KALRN: variants seen among roughly 807,000 people sequenced by gnomAD.
The protein encoded by KALRN is kalirin.
A neutral mutation model predicts 353.7 loss-of-function variants in KALRN; 70 were observed. The ratio of observed to expected loss-of-function variants is 0.20; its 90% CI spans 0.16 to 0.24. The LOEUF is 0.24. KALRN is among the 10% of genes least tolerant of loss of function. The pLI is 1.00. For synonymous variants in KALRN, 1,391 were observed against 1,434.8 expected (o/e 0.97, Z 0.69); for missense variants, 2,791 against 3,756.7 (o/e 0.74, Z 6.72).
chr3:124,067,525 A>G (rs1368314414), intron 1 of KALRN, among the ~76,000 whole-genome samples: 2 of 152,212 alleles, frequency 1.3e-5, no homozygotes, highest in African/African-American at 4.8e-5. Context: ...CAACAAACAA[A>G]AAAAAACCAC....
intron 34 of KALRN, among the ~76,000 whole-genome samples, chr3:124,623,717 G>C (rs1020873758): frequency 6.6e-6 from 1 of 152,126 alleles, no homozygotes; most frequent in African/African-American, 2.4e-5. Flanking sequence ...TGACTCAAAT[G>C]TTAACACCCT....
intron 1 of KALRN, among the ~76,000 whole-genome samples, chr3:124,221,734 A>G (rs2077930384): frequency 6.6e-6 from 1 of 152,188 alleles, no homozygotes; most frequent in Non-Finnish European, 1.5e-5. Flanking sequence ...TATAGTGGAT[A>G]CAGGATGGTC....
At chr3:124,234,237 G>T (rs2079497494) in intron 2 of KALRN, among the ~76,000 whole-genome samples, 1 of 152,146 alleles carries the variant, frequency 6.6e-6, no homozygotes, top group Admixed American at 6.5e-5. Context: ...AGTGACAGGT[G>T]GCACCTCAGG....
chr3:124,392,378 C>T (rs981787584), intron 11 of KALRN, among the ~76,000 whole-genome samples: 1 of 152,156 alleles, frequency 6.6e-6, no homozygotes, highest in African/African-American at 2.4e-5. Context: ...TGTGTATACA[C>T]ACATATATCA....
intron 10 of KALRN, among the ~76,000 whole-genome samples, chr3:124,375,968 T>C (rs1439977492): frequency 2.0e-5 from 3 of 152,144 alleles, no homozygotes; most frequent in Non-Finnish European, 2.9e-5. Context: ...GGTTGGACTG[T>C]AGGAAAATAA....
intron 54 of KALRN, 91 bp from the exon 55 acceptor site, chr3:124,697,502 G>A: frequency 7.7e-7 from 1 of 1,306,890 alleles, no homozygotes; most frequent in East Asian, 2.6e-5. Context: ...TGTGACATCG[G>A]TTAGGTAATG....
intron 33 of KALRN, among the ~76,000 whole-genome samples, chr3:124,502,172 G>T (rs751562495): frequency 5.3e-5 from 8 of 152,196 alleles, no homozygotes; most frequent in Non-Finnish European, 8.8e-5. Flanking sequence ...ACAACTCAAA[G>T]GTCAAAGGAG....
intron 1 of KALRN, among the ~76,000 whole-genome samples, chr3:124,143,088 T>C (rs964097457): frequency 1.3e-5 from 2 of 152,176 alleles, no homozygotes; most frequent in Non-Finnish European, 1.5e-5. Context: ...GGATGATTAA[T>C]GAATGAATCA....
At chr3:124,467,701 G>A (rs1210429526) in intron 25 of KALRN, among the ~76,000 whole-genome samples, 1 of 152,202 alleles carries the variant, frequency 6.6e-6, no homozygotes, top group East Asian at 1.9e-4. Context: ...CGCACTCCCA[G>A]GTAGGCTGGG....
chr3:124,297,007 C>T (rs1414523224), intron 5 of KALRN, among the ~76,000 whole-genome samples: 1 of 152,186 alleles, frequency 6.6e-6, no homozygotes, highest in Non-Finnish European at 1.5e-5. Context: ...TAATTTTAAT[C>T]ACATTGTGTG....
chr3:124,407,040 G>C (rs2091631259), intron 13 of KALRN, among the ~76,000 whole-genome samples: 1 of 151,880 alleles, frequency 6.6e-6, no homozygotes, highest in African/African-American at 2.4e-5. Flanking sequence ...CACCATGCTT[G>C]CCAGGCTGGT....
intron 1 of KALRN, among the ~76,000 whole-genome samples, chr3:124,203,645 A>C (rs960582106): frequency 9.2e-5 from 14 of 152,306 alleles, no homozygotes; most frequent in African/African-American, 2.9e-4. Context: ...ATAGGGCAAT[A>C]ACTAACACTG....
At chr3:124,349,769 G>A (rs1192241258) in intron 10 of KALRN, among the ~76,000 whole-genome samples, 1 of 152,166 alleles carries the variant, frequency 6.6e-6, no homozygotes, top group Non-Finnish European at 1.5e-5. Flanking sequence ...TGCAGAATGA[G>A]GTGGACTTTG....
At chr3:124,446,554 C>T (rs1040012693) in intron 20 of KALRN, among the ~76,000 whole-genome samples, 7 of 152,316 alleles carry the variant, frequency 4.6e-5, no homozygotes, top group Admixed American at 3.3e-4. Context: ...CCTCAGTCTA[C>T]TGGGGGAGAC....
At chr3:124,597,863 T>C (rs1021839365) in intron 34 of KALRN, among the ~76,000 whole-genome samples, 2 of 152,262 alleles carry the variant, frequency 1.3e-5, no homozygotes, top group African/African-American at 2.4e-5. Flanking sequence ...TTCTACTTTA[T>C]AATAATTAGT....
At chr3:124,476,977 G>A (rs543885292) in intron 26 of KALRN, among the ~76,000 whole-genome samples, 2 of 152,316 alleles carry the variant, frequency 1.3e-5, no homozygotes, top group African/African-American at 4.8e-5. Context: ...GGATATATGA[G>A]TTGCTTTTTC....
At chr3:124,142,759 C>T (rs535520348) in intron 1 of KALRN, among the ~76,000 whole-genome samples, 111 of 152,126 alleles carry the variant, frequency 7.3e-4, no homozygotes, top group Non-Finnish European at 3.1e-4. Flanking sequence ...CTCCACCCCC[C>T]ACCCACTCCC....
At chr3:124,227,662 T>TG (rs2078682049) in intron 1 of KALRN, among the ~76,000 whole-genome samples, 1 of 108,104 alleles carries the variant, frequency 9.3e-6, no homozygotes, top group Admixed American at 1.1e-4. Context: ...GCAACAGGGC[T>TG]GTTTTTTTTT....
intron 33 of KALRN, among the ~76,000 whole-genome samples, chr3:124,540,073 CTAATTTTTGTGT>C (rs1490632737): frequency 6.6e-6 from 1 of 152,000 alleles, no homozygotes; most frequent in Non-Finnish European, 1.5e-5. Context: ...CCACACCCGG[CTAATTTTTGTGT>C]TAATTTTTGT....
Sources: gnomAD v4.1 joint callset for allele counts (sites outside exome capture counted in the v4.1 genomes callset) on GRCh38, gnomAD v4.1.1 for gene constraint, MANE v1.5 for transcripts, NCBI Gene and HGNC (gene_info 2026-07-23, HGNC 2026-07-21) for gene names.